CAMTA1: variants seen among roughly 807,000 people sequenced by gnomAD.
CAMTA1 encodes the protein calmodulin binding transcription activator 1.
Under a neutral mutation model 170.9 loss-of-function variants are expected in CAMTA1, and 27 were observed. The observed-to-expected ratio is 0.16, with a 90% CI of 0.12 to 0.22. CAMTA1 has a LOEUF of 0.22. Among genes scored for constraint, CAMTA1 ranks in the 10% least tolerant of loss-of-function variants. The pLI, the probability that CAMTA1 is intolerant of heterozygous loss-of-function variation, is 1.00. For synonymous variants in CAMTA1, 833 were observed against 891.5 expected, an observed-to-expected ratio of 0.93 and a Z score of 1.17; for missense variants, 1,619 against 2,217.2, an observed-to-expected ratio of 0.73 and a Z score of 5.42.
intron 3 of CAMTA1, among the ~76,000 whole-genome samples, chr1:7,047,277 C>T (rs1425146947): frequency 2.0e-5 from 3 of 152,148 alleles, no homozygotes; most frequent in Non-Finnish European, 4.4e-5. Context: ...CTTGTCCTGA[C>T]TAAAGGTTCA....
chr1:7,219,016 AC>A (rs1660250401), intron 4 of CAMTA1, among the ~76,000 whole-genome samples: 1 of 152,178 alleles, frequency 6.6e-6, no homozygotes, highest in Non-Finnish European at 1.5e-5. Flanking sequence ...AATTTCAAGT[AC>A]AATTGTAACT....
chr1:7,471,800 A>G (rs2093335860), intron 6 of CAMTA1, among the ~76,000 whole-genome samples: 1 of 152,098 alleles, frequency 6.6e-6, no homozygotes, highest in Non-Finnish European at 1.5e-5. Context: ...GATGGTTTCG[A>G]GGGGTAGGCA....
intron 5 of CAMTA1, among the ~76,000 whole-genome samples, chr1:7,312,772 A>T (rs988219654): frequency 1.3e-5 from 2 of 151,480 alleles, no homozygotes; most frequent in South Asian, 4.2e-4. Context: ...TATTTTTTCC[A>T]CTTCCTTCCT....
chr1:7,583,866 C>T (rs1306530842), intron 6 of CAMTA1, among the ~76,000 whole-genome samples: 1 of 152,172 alleles, frequency 6.6e-6, no homozygotes, highest in East Asian at 1.9e-4. Context: ...ACTGTCCTCA[C>T]CCTAGGGATC....
At chr1:7,123,754 C>T (rs923099048) in intron 4 of CAMTA1, among the ~76,000 whole-genome samples, 4 of 152,180 alleles carry the variant, frequency 2.6e-5, no homozygotes, top group Non-Finnish European at 4.4e-5. Flanking sequence ...GTCACCCCCA[C>T]AGCCCCTCAA....
chr1:7,402,889 C>T (rs1044805777), intron 5 of CAMTA1, among the ~76,000 whole-genome samples: 5 of 152,186 alleles, frequency 3.3e-5, no homozygotes, highest in Admixed American at 6.5e-5. Context: ...TTCTCAAAGC[C>T]TTTTCCACAG....
At chr1:7,625,434 T>C (rs1425692819) in intron 6 of CAMTA1, among the ~76,000 whole-genome samples, 1 of 152,246 alleles carries the variant, frequency 6.6e-6, no homozygotes, top group Non-Finnish European at 1.5e-5. Flanking sequence ...TGACAGGGTC[T>C]TGGCCTCTAA....
chr1:7,387,255 A>C (rs905028650), intron 5 of CAMTA1, among the ~76,000 whole-genome samples: 3 of 151,246 alleles, frequency 2.0e-5, no homozygotes, highest in Non-Finnish European at 4.4e-5. Flanking sequence ...CCTCCCATCC[A>C]CCAAACACCT....
chr1:7,007,018 A>T lies in CAMTA1; in HGVS notation c.235-84286A>T, dbSNP rs1232435535. On this transcript the variant is annotated intron_variant, in intron 3 of 22. Coordinates refer to ENST00000303635, the MANE Select transcript of CAMTA1 (RefSeq NM_015215.4). This position sits in a 1 kb window ranked among gnomAD's most constrained non-coding sequence, Gnocchi z 4.5. Reference sequence around the variant, plus strand: ...TCAGATGGTAGTAAAAAAAAAAAAAAAAAATAAGAATTTTTGGATACGGTA... The same window carrying T: ...TCAGATGGTAGTAAAAAAAAAAAAATAAAATAAGAATTTTTGGATACGGTA... Among the ~76,000 whole-genome samples, 1 of 152,002 alleles carries T rather than the reference A, an allele frequency of 6.6e-6. No homozygotes were observed. Among genetic ancestry groups the T allele is most frequent in the Non-Finnish European group, 1.5e-5 (1 of 68,016 alleles).
chr1:7,651,384 C>G (rs1040451181), intron 7 of CAMTA1, among the ~76,000 whole-genome samples: 5 of 152,170 alleles, frequency 3.3e-5, no homozygotes, highest in Admixed American at 6.5e-5. Context: ...CAGCAGGTGC[C>G]GCCTGTACAG....
chr1:7,468,844 G>T (rs2093272564), intron 6 of CAMTA1, among the ~76,000 whole-genome samples: 2 of 152,138 alleles, frequency 1.3e-5, no homozygotes, highest in South Asian at 4.1e-4. Flanking sequence ...AGTTGGAGGG[G>T]CCTGGCAGCT....
At chr1:7,241,180 AT>A (rs1477409432) in intron 4 of CAMTA1, among the ~76,000 whole-genome samples, 1 of 152,224 alleles carries the variant, frequency 6.6e-6, no homozygotes, top group Non-Finnish European at 1.5e-5. Context: ...TGAGAAAACA[AT>A]TTCATTCATA....
At chr1:7,417,519 C>A (rs2091268232) in intron 5 of CAMTA1, among the ~76,000 whole-genome samples, 1 of 152,208 alleles carries the variant, frequency 6.6e-6, no homozygotes, top group Admixed American at 6.5e-5. Flanking sequence ...GCAGTTTGAT[C>A]TCAGACTGCT....
chr1:6,873,546 G>A (rs1668994105), intron 3 of CAMTA1, among the ~76,000 whole-genome samples: 2 of 152,168 alleles, frequency 1.3e-5, no homozygotes, highest in Non-Finnish European at 1.5e-5. Flanking sequence ...GTTGGAATCG[G>A]CTCCCCTGGG....
Position 7,736,947 on chromosome 1 carries a change from A to G in CAMTA1, c.3280A>G (p.Ser1094Gly). The change falls in exon 14 of 23, where the codon AGC becomes GGC. Residue 1094 changes from serine (S) to glycine (G), a missense_variant. Ser to Gly is a moderately conservative substitution (Grantham distance 56). This residue lies in a region of CAMTA1 where 60 missense variants were observed against 128.5 expected (regional missense o/e 0.47). Coordinates refer to ENST00000303635, the MANE Select transcript of CAMTA1 (RefSeq NM_015215.4). The surrounding 1 kb of genome is among the most constrained non-coding windows in gnomAD (Gnocchi z 4.5). ...LIKWRTKHAD[S>G]IDLELEVDPL... is the part of the protein sequence containing the mutation. ...CCCTTATAGTACAAAGCACGCGGAT[A>G]GCATTGACCTGGAACTGGAAGTTGA... 1 of 1,613,346 alleles carries G rather than the reference A, an allele frequency of 6.2e-7. No individual in the cohort carries two copies. The highest frequency in any genetic ancestry group is 8.5e-7 in the Non-Finnish European group (1 of 1,179,696).
rs1412052936 is a variant in CAMTA1 at position 7,300,866 on chromosome 1, A to G, written c.438+51240A>G. On this transcript the variant is annotated intron_variant, in intron 5 of 22. Coordinates refer to ENST00000303635, the MANE Select transcript of CAMTA1 (RefSeq NM_015215.4). The surrounding 1 kb of genome is among the most constrained non-coding windows in gnomAD (Gnocchi z 4.1). Reference sequence around the variant, plus strand: ...TGCACTCAAAGTAAATATTAATTCCATTATGCCATAAACTTTTATTTATCA... The same window carrying G: ...TGCACTCAAAGTAAATATTAATTCCGTTATGCCATAAACTTTTATTTATCA... Among the ~76,000 whole-genome samples, 1 of 152,198 alleles carries G rather than the reference A, an allele frequency of 6.6e-6. No individual in the cohort carries two copies. Among genetic ancestry groups the G allele is most frequent in the Non-Finnish European group, 1.5e-5 (1 of 68,032 alleles).
At chr1:7,507,415 G>C (rs1345161347) in intron 6 of CAMTA1, among the ~76,000 whole-genome samples, 1 of 152,074 alleles carries the variant, frequency 6.6e-6, no homozygotes, top group East Asian at 1.9e-4. Context: ...CGCCTGGCAC[G>C]GGGGTCTATC....
intron 3 of CAMTA1, among the ~76,000 whole-genome samples, chr1:6,871,316 A>T (rs1668349676): frequency 6.6e-6 from 1 of 152,194 alleles, no homozygotes; most frequent in African/African-American, 2.4e-5. Context: ...GTCTTCTAGA[A>T]CATTGTTATA....
intron 4 of CAMTA1, among the ~76,000 whole-genome samples, chr1:7,171,238 A>G (rs1397654359): frequency 1.3e-5 from 2 of 152,192 alleles, no homozygotes; most frequent in Non-Finnish European, 2.9e-5. Context: ...ACCCACATCT[A>G]TCATTTCCAT....
Sources: gnomAD v4.1 joint callset for allele counts (sites outside exome capture counted in the v4.1 genomes callset) on GRCh38, gnomAD v4.1.1 for gene constraint, gnomAD v4.1.1 regional missense constraint, Gnocchi (gnomAD v3.1) non-coding constraint, MANE v1.5 for transcripts, NCBI Gene and HGNC (gene_info 2026-07-23, HGNC 2026-07-21) for gene names.